SRBD1: variants seen among roughly 807,000 people sequenced by gnomAD.
SRBD1 encodes the protein S1 RNA binding domain 1.
SRBD1 carries 88 observed loss-of-function variants against 115.3 expected under a neutral mutation model. That is an observed-to-expected ratio of 0.76 (90% confidence interval 0.64 to 0.91). The LOEUF (loss-of-function observed/expected upper bound fraction) is 0.91, where lower values mean the gene tolerates loss of function less well. Among genes scored for constraint, SRBD1 ranks in the 40% least tolerant of loss-of-function variants. SRBD1 has a pLI of 0.00. For synonymous variants in SRBD1, 509 were observed against 407.7 expected (o/e 1.25, Z -2.99); for missense variants, 1,385 against 1,177.4 (o/e 1.18, Z -2.58).
intron 11 of SRBD1, among the ~76,000 whole-genome samples, chr2:45,553,367 T>C (rs1672364311): frequency 6.6e-6 from 1 of 152,188 alleles, no homozygotes; most frequent in Non-Finnish European, 1.5e-5. Context: ...GCAAGACTAG[T>C]ATTGCAGGAT....
At chr2:45,563,114 C>G (rs1426220833) in intron 9 of SRBD1, among the ~76,000 whole-genome samples, 1 of 152,078 alleles carries the variant, frequency 6.6e-6, no homozygotes, top group East Asian at 1.9e-4. Flanking sequence ...AAGATAAATA[C>G]AAACATGTAA....
chr2:45,419,905 A>T lies in SRBD1; in HGVS notation c.2050-11T>A. 1 of 1,606,316 alleles carries T rather than the reference A, an allele frequency of 6.2e-7. No homozygotes were observed. Among genetic ancestry groups the T allele is most frequent in the Non-Finnish European group, 8.5e-7 (1 of 1,174,942 alleles). ...CTGGGATACGTCATGCTGAAAAGAC[A>T]AAGATCAAATATTAACAGTGAAGGA... On this transcript the variant is annotated splice_polypyrimidine_tract_variant and intron_variant, in intron 16 of 20. Transcript: ENST00000263736.
intron 11 of SRBD1, among the ~76,000 whole-genome samples, chr2:45,552,750 C>T (rs986566244): frequency 9.9e-5 from 15 of 152,076 alleles, no homozygotes; most frequent in African/African-American, 3.4e-4. Context: ...ATGGATGTAA[C>T]AAGAGATTAA....
At chr2:45,448,994 G>C (rs1318226127) in intron 16 of SRBD1, among the ~76,000 whole-genome samples, 1 of 152,026 alleles carries the variant, frequency 6.6e-6, no homozygotes, top group Non-Finnish European at 1.5e-5. Flanking sequence ...ATACAAATGT[G>C]AACCCAGCTT....
intron 8 of SRBD1, among the ~76,000 whole-genome samples, chr2:45,574,287 T>C (rs1289521816): frequency 1.3e-5 from 2 of 152,200 alleles, no homozygotes; most frequent in African/African-American, 4.8e-5. Flanking sequence ...ACAATCAACA[T>C]GTTTAAAAAG....
At chr2:45,583,270 AAAG>A (rs1354553557) in intron 5 of SRBD1, among the ~76,000 whole-genome samples, 1 of 152,180 alleles carries the variant, frequency 6.6e-6, no homozygotes, top group Non-Finnish European at 1.5e-5. Context: ...TATAAATTAA[AAAG>A]AAGAATATGC....
intron 14 of SRBD1, among the ~76,000 whole-genome samples, chr2:45,518,297 C>T (rs1285234737): frequency 1.3e-5 from 2 of 152,162 alleles, no homozygotes; most frequent in South Asian, 2.1e-4. Context: ...CTCTGCTGTG[C>T]GATACTGCCC....
At chr2:45,447,602 C>A (rs1374718733) in intron 16 of SRBD1, 1 of 152,144 alleles carries the variant, frequency 6.6e-6, no homozygotes, top group East Asian at 1.9e-4. Flanking sequence ...ATCAGAATCT[C>A]CCAAATTGGT....
chr2:45,408,303 T>A (rs1207255396), intron 19 of SRBD1, among the ~76,000 whole-genome samples: 1 of 152,194 alleles, frequency 6.6e-6, no homozygotes, highest in African/African-American at 2.4e-5. Context: ...CTATCACAGT[T>A]CCAAACTGGA....
chr2:45,470,524 CTG>C (rs901325970), intron 16 of SRBD1, among the ~76,000 whole-genome samples: 1 of 152,120 alleles, frequency 6.6e-6, no homozygotes, highest in African/African-American at 2.4e-5. Context: ...TCCTACTTTA[CTG>C]TGTGTGTTCA....
intron 14 of SRBD1, among the ~76,000 whole-genome samples, chr2:45,513,481 A>T (rs1357517163): frequency 6.6e-6 from 1 of 152,148 alleles, no homozygotes; most frequent in Non-Finnish European, 1.5e-5. Context: ...GCACTGAGAC[A>T]AATTCTCTTC....
chr2:45,563,954 C>A (rs921758596), intron 9 of SRBD1, among the ~76,000 whole-genome samples: 1 of 152,020 alleles, frequency 6.6e-6, no homozygotes, highest in Non-Finnish European at 1.5e-5. Flanking sequence ...TTCTATGAGG[C>A]CAGTATTACT....
rs139209619 is a variant in SRBD1, at chr2:45,521,812, T to C, written c.1874+24920A>G. Among the ~76,000 whole-genome samples the C allele has an allele frequency of 3.7e-4, 56 of 151,630 alleles. No individual in the cohort carries two copies. The East Asian group carries it at 6.2e-3, about 17-fold the overall frequency. ...TGAAACCCTGTCTCCACAAAACAAT[T>C]TAAAAATTAGCCAGGCATGGTGGCA... On this transcript the variant is annotated intron_variant, in intron 14 of 20. Transcript: ENST00000263736.
At chr2:45,559,089 C>T (rs1351063884) in intron 10 of SRBD1, among the ~76,000 whole-genome samples, 2 of 152,130 alleles carry the variant, frequency 1.3e-5, no homozygotes, top group Non-Finnish European at 2.9e-5. Context: ...TGTCTACCTC[C>T]TAAATATTGC....
At chr2:45,436,403 C>T (rs1166443215) in intron 16 of SRBD1, among the ~76,000 whole-genome samples, 1 of 152,158 alleles carries the variant, frequency 6.6e-6, no homozygotes. Flanking sequence ...GGAAGTACCA[C>T]CTAATGCAGT....
intron 16 of SRBD1, among the ~76,000 whole-genome samples, chr2:45,460,085 T>TTTGTAAA (rs1370207923): frequency 1.1e-4 from 16 of 151,956 alleles, no homozygotes; most frequent in Non-Finnish European, 1.2e-4. Flanking sequence ...AAACATTAAG[T>TTTGTAAA]TTGTAAATTT....
chr2:45,592,324 C>G (rs1214546356), intron 4 of SRBD1, among the ~76,000 whole-genome samples: 1 of 152,094 alleles, frequency 6.6e-6, no homozygotes, highest in Non-Finnish European at 1.5e-5. Flanking sequence ...TGTACAACTT[C>G]CTAAACACAC....
At chr2:45,541,030 A>G (rs927212913) in intron 14 of SRBD1, among the ~76,000 whole-genome samples, 3 of 152,210 alleles carry the variant, frequency 2.0e-5, no homozygotes, top group Admixed American at 1.3e-4. Flanking sequence ...TCAAGCTGGC[A>G]GGCTGTGCTT....
intron 9 of SRBD1, 150 bp from the exon 10 acceptor site, chr2:45,562,906 G>T: frequency 6.1e-6 from 3 of 491,488 alleles, no homozygotes; most frequent in East Asian, 3.6e-5. Flanking sequence ...CTTTTTTCAA[G>T]TAACATACCT....
Sources: allele counts gnomAD v4.1 joint callset (sites outside exome capture counted in the v4.1 genomes callset), GRCh38; gene constraint gnomAD v4.1.1; transcripts MANE v1.5; gene names NCBI Gene and HGNC (gene_info 2026-07-23, HGNC 2026-07-21).